Variants in ZMIZ2 observed in about 807,000 individuals in gnomAD.
ZMIZ2 encodes zinc finger MIZ domain-containing protein 2.
In ZMIZ2, 26 loss-of-function variants were observed where a neutral mutation model predicts 93.9. That is an observed-to-expected ratio of 0.28 (90% CI 0.20 to 0.38). The LOEUF (loss-of-function observed/expected upper bound fraction) is 0.38. Ranked by LOEUF, ZMIZ2 falls within the 10% of genes least tolerant of loss-of-function variation. The probability of loss-of-function intolerance (pLI) is 1.00; values close to 1 mark genes in which losing one functional copy is unlikely to be tolerated. For missense variants in ZMIZ2, 1,023 were observed against 1,235.0 expected (o/e 0.83, Z 2.57); for synonymous variants, 485 against 516.4 (o/e 0.94, Z 0.82).
chr7:44,759,703 C>A, intron 7 of ZMIZ2: 1 of 459,174 alleles, frequency 2.2e-6, no homozygotes, highest in South Asian at 4.4e-5. Flanking sequence ...GGACCCTCTA[C>A]AAGATTCATA....
rs1309091846 is a variant in ZMIZ2 at position 44,758,049 on chromosome 7, C to A, written c.754C>A (p.Pro252Thr). The A allele has an allele frequency of 1.2e-6, 2 of 1,608,114 alleles. No homozygotes were observed. Among genetic ancestry groups the A allele is most frequent in the Non-Finnish European group, 1.7e-6 (2 of 1,177,356 alleles). The change falls in exon 6 of 19, where the codon CCT becomes ACT. Residue 252 changes from proline to threonine, a missense_variant. Around this residue, in one of 3 missense-constraint regions of ZMIZ2, gnomAD observed 656 missense variants for 777.1 expected, o/e 0.84. Transcript: ENST00000309315. ...AGQRLPQHGY[P>T]GPPQAQPLPR... The stretch of plus-strand genomic sequence containing the variant: ...GCAGCGTCTGCCCCAACATGGGTAT[C>A]CTGGGCCTCCCCAGGCCCAGCCACT...
In ZMIZ2 at chr7:44,763,227, A is replaced by C. The variant is rs1347140998; in HGVS notation, c.1703-29A>C. The C allele has an allele frequency of 6.2e-7, 1 of 1,607,992 alleles. No homozygotes were observed. Among genetic ancestry groups the C allele is most frequent in the African/African-American group, 1.3e-5 (1 of 74,632 alleles). On this transcript the variant is annotated intron_variant, in intron 12 of 18. Coordinates refer to ENST00000309315, the MANE Select transcript of ZMIZ2 (RefSeq NM_031449.4). The surrounding 1 kb of genome is among the most constrained non-coding windows in gnomAD (Gnocchi z 5.6). ...CACCTCCCCATCTTGGGGACCCTTT[A>C]CTCAAGTCCTTTACCTTGTTGATGT...
At chr7:44,759,035 T>C (rs967693269) in intron 6 of ZMIZ2, among the ~76,000 whole-genome samples, 1 of 146,756 alleles carries the variant, frequency 6.8e-6, no homozygotes, top group Non-Finnish European at 1.5e-5. Flanking sequence ...TGAGCCAAGA[T>C]TGCACCACTG....
intron 11 of ZMIZ2, 36 bp from the exon 12 acceptor site, chr7:44,762,845 A>G: frequency 6.9e-7 from 1 of 1,454,828 alleles, no homozygotes; most frequent in Non-Finnish European, 9.2e-7. Flanking sequence ...CCCCTGGCCC[A>G]AGTCCCCCTG....
intron 7 of ZMIZ2, chr7:44,759,923 A>G: frequency 1.8e-6 from 1 of 568,198 alleles, no homozygotes. Flanking sequence ...AGCTTGGGGG[A>G]GGAGAGGAGG....
At chr7:44,767,350 A>T (rs1022465610) in intron 18 of ZMIZ2, among the ~76,000 whole-genome samples, 166 bp from the exon 19 acceptor site, 4 of 152,146 alleles carry the variant, frequency 2.6e-5, no homozygotes, top group African/African-American at 9.7e-5. Context: ...CTCTTTGAGC[A>T]CATGCAGGCC....
intron 5 of ZMIZ2, 89 bp downstream of exon 5, chr7:44,757,650 A>G: frequency 6.7e-7 from 1 of 1,482,392 alleles, no homozygotes; most frequent in Non-Finnish European, 9.0e-7. Flanking sequence ...TCCAGGGACA[A>G]GCATGGAATA....
intron 1 of ZMIZ2, among the ~76,000 whole-genome samples, chr7:44,753,888 C>T (rs1417079792): frequency 6.6e-6 from 1 of 152,122 alleles, no homozygotes; most frequent in Non-Finnish European, 1.5e-5. Context: ...TGTTTTGATG[C>T]CCAGTTGCTC....
In ZMIZ2 at chr7:44,749,929, C is replaced by G. The variant is rs570376164; in HGVS notation, c.-63+938C>G. On this transcript the variant is annotated intron_variant, in intron 1 of 18. Transcript: ENST00000309315. ...GGCAAGCTAGAACCAGAGGGCATCC[C>G]TTGATGCTTAGTGTGGAAACAGGAG... 2.0e-5 allele frequency: 3 copies of G among 152,324 alleles called. No individual in the cohort carries two copies. The East Asian group carries it at 5.8e-4, about 29-fold the overall frequency. 9.4% of individuals were successfully genotyped at this position (152,324 alleles called of 1,614,324 possible).
intron 5 of ZMIZ2, 135 bp from the exon 6 acceptor site, chr7:44,757,713 T>C (rs1265355774): frequency 2.8e-6 from 4 of 1,433,712 alleles, no homozygotes; most frequent in Admixed American, 2.6e-5. Flanking sequence ...GGAGTGAGGG[T>C]CTGAGGGGAG....
At position 44,756,201 on chromosome 7, in the gene ZMIZ2, GT is replaced by G. The variant is rs1356948930; in HGVS notation, c.-47del. Reference sequence around the variant, plus strand: ...CCTGTCGGGCAGCCAGAGCAGCTGAGTTCCAGATAAAAACTGTCAGACCCGG... The same window carrying G: ...CCTGTCGGGCAGCCAGAGCAGCTGAGTCCAGATAAAAACTGTCAGACCCGG... On this transcript the variant is annotated 5_prime_UTR_variant, in exon 2 of 19. It introduces an in-frame stop codon into an upstream open reading frame of the 5' UTR. Coordinates refer to ENST00000309315, the MANE Select transcript of ZMIZ2 (RefSeq NM_031449.4). 1 of 1,613,602 alleles carries G rather than the reference GT, an allele frequency of 6.2e-7. No homozygotes were observed. The highest frequency in any genetic ancestry group is 1.3e-5 in the African/African-American group (1 of 74,932).
In ZMIZ2 at chr7:44,760,520, A is replaced by T; in HGVS notation, c.1167A>T (p.Pro389=). ...GCAGCAGCGTCCCTTACATGTCACCAAACCAAGAGGTCAAGTCTCCCTTCT... is the reference window on the plus strand; with the variant it reads ...GCAGCAGCGTCCCTTACATGTCACCTAACCAAGAGGTCAAGTCTCCCTTCT... ...TPSSSVPYMS[P]NQEVKSPFLP... is the part of the protein sequence containing the mutation. Residue 389 remains proline, a synonymous_variant, in exon 9 of 19, where the codon CCA becomes CCT. Coordinates refer to ENST00000309315, the MANE Select transcript of ZMIZ2 (RefSeq NM_031449.4). 1.2e-6 allele frequency: 2 copies of T among 1,614,100 alleles called. No homozygotes were observed. The highest frequency in any genetic ancestry group is 1.7e-6 in the Non-Finnish European group (2 of 1,180,016).
chr7:44,766,630 T>C lies in ZMIZ2; in HGVS notation c.2622T>C (p.Ser874=). 1 of 1,613,252 alleles carries C rather than the reference T, an allele frequency of 6.2e-7. No homozygotes were observed. The highest frequency in any genetic ancestry group is 8.5e-7 in the Non-Finnish European group (1 of 1,180,002). ...ATGVMGPPSM[S]GAGEAPEPAL... is the part of the protein sequence containing the mutation. The stretch of plus-strand genomic sequence containing the variant: ...GCGTGATGGGGCCCCCCAGCATGTC[T>C]GGAGCCGGGGAGGCCCCAGAACCAG... Residue 874 remains serine, a synonymous_variant, in exon 18 of 19, where the codon TCT becomes TCC. Transcript: ENST00000309315. The surrounding 1 kb of genome is among the most constrained non-coding windows in gnomAD (Gnocchi z 4.4).
In ZMIZ2 at chr7:44,763,809, C is replaced by G. The variant is rs781598679; in HGVS notation, c.1860+396C>G. On this transcript the variant is annotated intron_variant, in intron 13 of 18. Coordinates refer to ENST00000309315, the MANE Select transcript of ZMIZ2 (RefSeq NM_031449.4). This position sits in a 1 kb window ranked among gnomAD's most constrained non-coding sequence, Gnocchi z 5.6. ...TGTGGTTACATAGTGGTCCCTATTG[C>G]ACAAACTGCTCTGTGCTGTCGTTTT... 1.4e-5 allele frequency: 3 copies of G among 214,540 alleles called. No homozygotes were observed. Among genetic ancestry groups the G allele is most frequent in the Non-Finnish European group, 2.8e-5 (3 of 106,306 alleles). The allele number at this position is 214,540 out of a possible 1,614,324, so 13.3% of individuals were successfully genotyped here.
intron 1 of ZMIZ2, among the ~76,000 whole-genome samples, chr7:44,752,394 C>A (rs1790231158): frequency 6.6e-6 from 1 of 152,138 alleles, no homozygotes; most frequent in Admixed American, 6.5e-5. Flanking sequence ...CTGCCCACTT[C>A]AGCCTCCCAA....
intron 1 of ZMIZ2, among the ~76,000 whole-genome samples, chr7:44,754,522 G>C (rs919379316): frequency 1.7e-4 from 26 of 152,320 alleles, no homozygotes; most frequent in African/African-American, 6.0e-4. Flanking sequence ...CCCAGGCAGA[G>C]CTCAGCTCTA....
intron 1 of ZMIZ2, among the ~76,000 whole-genome samples, chr7:44,752,622 T>A (rs1449586888): frequency 6.6e-6 from 1 of 152,234 alleles, no homozygotes; most frequent in African/African-American, 2.4e-5. Context: ...CCGTGTAGCC[T>A]CTTGGGATTG....
In ZMIZ2 at chr7:44,760,442, G is replaced by A. The variant is rs1395991053; in HGVS notation, c.1089G>A (p.Pro363=). ...CCCTACAGCCTACCCGTTCCATCCCGGGCTATCCCAGTTCCCCACTGCCAG... is the reference window on the plus strand; with the variant it reads ...CCCTACAGCCTACCCGTTCCATCCCAGGCTATCCCAGTTCCCCACTGCCAG... ...PGLSGPTRSI[P]GYPSSPLPGN... The change falls in exon 9 of 19, where the codon CCG becomes CCA. Residue 363 remains proline (P), a synonymous_variant. Transcript: ENST00000309315. 6 of 1,613,962 alleles carry A rather than the reference G, an allele frequency of 3.7e-6. No individual in the cohort carries two copies. Among genetic ancestry groups the A allele is most frequent in the African/African-American group, 1.3e-5 (1 of 74,976 alleles).
Position 44,756,549 on chromosome 7 carries a change from C to T in ZMIZ2, c.165+10C>T. The T allele has an allele frequency of 6.2e-7, 1 of 1,613,618 alleles. No homozygotes were observed. Among genetic ancestry groups the T allele is most frequent in the East Asian group, 2.2e-5 (1 of 44,870 alleles). On this transcript the variant is annotated intron_variant, in intron 3 of 18. Transcript: ENST00000309315. The stretch of plus-strand genomic sequence containing the variant: ...CGCGACACAGAGCCAGGTAAGCACC[C>T]ACTGGTGCCCCACCCCCGAGCAGAC...
Sources: allele counts gnomAD v4.1 joint callset (sites outside exome capture counted in the v4.1 genomes callset), GRCh38; gene constraint gnomAD v4.1.1; regional missense constraint gnomAD v4.1.1; non-coding constraint Gnocchi (gnomAD v3.1); transcripts MANE v1.5; gene names NCBI Gene and HGNC (gene_info 2026-07-23, HGNC 2026-07-21).